MYO3B: variants seen among roughly 807,000 people sequenced by gnomAD.
MYO3B encodes myosin-IIIb.
Under a neutral mutation model 174.6 loss-of-function variants are expected in MYO3B, and 156 were observed. The ratio of observed to expected loss-of-function variants is 0.89; its 90% CI spans 0.78 to 1.02. MYO3B has a LOEUF of 1.02. Ranked by LOEUF, MYO3B falls within the 50% of genes least tolerant of loss-of-function variation. MYO3B has a pLI of 0.00. For missense variants in MYO3B, 1,632 were observed against 1,639.4 expected (o/e 1.00, Z 0.08); for synonymous variants, 563 against 569.1 (o/e 0.99, Z 0.15).
At chr2:170,500,335 A>G (rs1439191194) in intron 27 of MYO3B, among the ~76,000 whole-genome samples, 4 of 152,206 alleles carry the variant, frequency 2.6e-5, no homozygotes, top group South Asian at 2.1e-4. Flanking sequence ...GGAACAGGCA[A>G]TAGCCTGGGA....
At chr2:170,565,920 C>G (rs1158159248) in intron 32 of MYO3B, among the ~76,000 whole-genome samples, 1 of 152,134 alleles carries the variant, frequency 6.6e-6, no homozygotes, top group Non-Finnish European at 1.5e-5. Flanking sequence ...TGGTCTCAGG[C>G]CCTACTGAGA....
chr2:170,463,352 C>T lies in MYO3B; in HGVS notation c.2731-16C>T, dbSNP rs757473511. 28 of 1,612,370 alleles carry T rather than the reference C, an allele frequency of 1.7e-5. No homozygotes were observed. The highest frequency in any genetic ancestry group is 2.3e-5 in the Non-Finnish European group (27 of 1,179,514). On this transcript the variant is annotated splice_polypyrimidine_tract_variant and intron_variant, in intron 23 of 34. Transcript: ENST00000408978. ...GCCTAGATCCTCAAACCACTTGCCT[C>T]CACCTATGCTTCCAGGTGGACACTC...
At position 170,230,134 on chromosome 2, in the gene MYO3B, C is replaced by T. The variant is rs111761672; in HGVS notation, c.604-5857C>T. Among the ~76,000 whole-genome samples the T allele has an allele frequency of 5.2e-3, 774 of 149,106 alleles. 9 individuals carry two copies. Among genetic ancestry groups the T allele is most frequent in the Middle Eastern group, 0.032 (9 of 282 alleles). Reference sequence around the variant, plus strand: ...ACTACATGAATAATTATGCTTCATTCTTCTGGTATTAATCTCATGGGGACC... The same window carrying T: ...ACTACATGAATAATTATGCTTCATTTTTCTGGTATTAATCTCATGGGGACC... On this transcript the variant is annotated intron_variant, in intron 6 of 34. Transcript: ENST00000408978.
At chr2:170,267,703 C>T (rs993818484) in intron 7 of MYO3B, among the ~76,000 whole-genome samples, 1 of 152,168 alleles carries the variant, frequency 6.6e-6, no homozygotes, top group South Asian at 2.1e-4. Context: ...TAGAAACTTT[C>T]TTCCTCTTGA....
chr2:170,335,360 G>T, intron 7 of MYO3B, 25 bp from the exon 8 acceptor site: 1 of 1,576,502 alleles, frequency 6.3e-7, no homozygotes. Context: ...TCTTTCTTAA[G>T]AAAAAATTGC....
At chr2:170,619,109 T>C (rs1695661790) in intron 32 of MYO3B, among the ~76,000 whole-genome samples, 1 of 152,166 alleles carries the variant, frequency 6.6e-6, no homozygotes. Context: ...CTAGAAGAGC[T>C]GTGGCAAGAT....
At chr2:170,635,686 A>T (rs1224506410) in intron 32 of MYO3B, among the ~76,000 whole-genome samples, 1 of 152,186 alleles carries the variant, frequency 6.6e-6, no homozygotes, top group African/African-American at 2.4e-5. Flanking sequence ...AGATCACATT[A>T]TAGGGCATCT....
chr2:170,354,534 A>G (rs1042476308), intron 8 of MYO3B, among the ~76,000 whole-genome samples: 3 of 152,182 alleles, frequency 2.0e-5, no homozygotes, highest in African/African-American at 7.2e-5. Flanking sequence ...AGAAAGGAAA[A>G]CAGAAAGATA....
intron 1 of MYO3B, among the ~76,000 whole-genome samples, chr2:170,196,465 G>A (rs2092601466): frequency 6.6e-6 from 1 of 152,174 alleles, no homozygotes; most frequent in Non-Finnish European, 1.5e-5. Context: ...ACAGGGGGTG[G>A]TGATCACACC....
intron 23 of MYO3B, among the ~76,000 whole-genome samples, chr2:170,453,986 G>T (rs1472449876): frequency 6.6e-6 from 1 of 152,172 alleles, no homozygotes; most frequent in African/African-American, 2.4e-5. Flanking sequence ...CTAACCGAAT[G>T]CAATTACACT....
At chr2:170,526,166 A>G (rs1688984767) in intron 30 of MYO3B, among the ~76,000 whole-genome samples, 2 of 152,204 alleles carry the variant, frequency 1.3e-5, no homozygotes. Context: ...GCTATGAGAC[A>G]TTGGACAAGT....
chr2:170,251,896 T>G (rs2093257434), intron 7 of MYO3B, among the ~76,000 whole-genome samples: 1 of 151,660 alleles, frequency 6.6e-6, no homozygotes. Flanking sequence ...AGACTGGGAG[T>G]GAGTTTTCCT....
chr2:170,180,885 A>T (rs959770550), intron 1 of MYO3B, among the ~76,000 whole-genome samples: 1 of 152,226 alleles, frequency 6.6e-6, no homozygotes, highest in Non-Finnish European at 1.5e-5. Flanking sequence ...AACACTTTTA[A>T]AACAAATCTT....
At chr2:170,197,295 A>G (rs911997885) in intron 1 of MYO3B, among the ~76,000 whole-genome samples, 2 of 152,146 alleles carry the variant, frequency 1.3e-5, no homozygotes, top group Admixed American at 1.3e-4. Flanking sequence ...CCTCATTTCA[A>G]ACTTTCTTTA....
intron 32 of MYO3B, among the ~76,000 whole-genome samples, chr2:170,583,499 A>G (rs1224825952): frequency 6.6e-6 from 1 of 152,090 alleles, no homozygotes; most frequent in African/African-American, 2.4e-5. Context: ...ACTGGTCTGT[A>G]TTCATATATA....
chr2:170,463,251 C>A (rs1684419160), intron 23 of MYO3B, 117 bp from the exon 24 acceptor site: 1 of 741,780 alleles, frequency 1.3e-6, no homozygotes, highest in Non-Finnish European at 2.3e-6. Context: ...ACTATTGTGT[C>A]CTAAATACCA....
chr2:170,403,074 C>A, intron 19 of MYO3B, 79 bp downstream of exon 19: 1 of 1,382,588 alleles, frequency 7.2e-7, no homozygotes, highest in Non-Finnish European at 9.8e-7. Flanking sequence ...AGCAGAAACC[C>A]TGTAGACTAA....
At chr2:170,184,921 T>C (rs2092444934) in intron 1 of MYO3B, among the ~76,000 whole-genome samples, 1 of 152,152 alleles carries the variant, frequency 6.6e-6, no homozygotes, top group South Asian at 2.1e-4. Flanking sequence ...TAATTTTGAT[T>C]TACATTTCTC....
chr2:170,211,657 A>G lies in MYO3B; in HGVS notation c.322-2722A>G, dbSNP rs529591453. Among the ~76,000 whole-genome samples the G allele has an allele frequency of 1.4e-4, 22 of 152,320 alleles. 1 individual carries two copies. Among genetic ancestry groups the G allele is most frequent in the African/African-American group, 5.1e-4 (21 of 41,580 alleles). On this transcript the variant is annotated intron_variant, in intron 3 of 34. Coordinates refer to ENST00000408978, the MANE Select transcript of MYO3B (RefSeq NM_138995.5). Reference sequence around the variant, plus strand: ...AGCAAATGGCAGAAGTCACACAGATATTAACTGGAAAGTACTCATTTCCTA... The same window carrying G: ...AGCAAATGGCAGAAGTCACACAGATGTTAACTGGAAAGTACTCATTTCCTA...
Sources: gnomAD v4.1 joint callset for allele counts (sites outside exome capture counted in the v4.1 genomes callset) on GRCh38, gnomAD v4.1.1 for gene constraint, MANE v1.5 for transcripts, NCBI Gene and HGNC (gene_info 2026-07-23, HGNC 2026-07-21) for gene names.